WDR64: variants seen among roughly 807,000 people sequenced by gnomAD.
WDR64 encodes the protein WD repeat domain 64, also known as WD repeat-containing protein 64.
WDR64 carries 112 observed loss-of-function variants against 139.3 expected under a neutral mutation model. The ratio of observed to expected loss-of-function variants is 0.80; its 90% CI spans 0.69 to 0.94. The LOEUF (loss-of-function observed/expected upper bound fraction) is 0.94, where lower values mean the gene tolerates loss of function less well. WDR64 is among the 40% of genes least tolerant of loss of function. WDR64 has a pLI of 0.00. For missense variants in WDR64, 1,206 were observed against 1,293.1 expected (o/e 0.93, Z 1.03); for synonymous variants, 444 against 437.7 (o/e 1.01, Z -0.18).
chr1:241,712,507 C>T (rs1668213967), intron 9 of WDR64, among the ~76,000 whole-genome samples: 1 of 152,126 alleles, frequency 6.6e-6, no homozygotes, highest in Non-Finnish European at 1.5e-5. Flanking sequence ...ATTTATAATA[C>T]TGGGGTTTTA....
rs2148297204 is a variant in WDR64 at position 241,769,399 on chromosome 1, T to C, written c.2082-5T>C. ...TTTCTCATATAAATGTATACTTACT[T>C]CTAGGTACCGACCTGAAGATTGCTT... On this transcript the variant is annotated splice_polypyrimidine_tract_variant and splice_region_variant and intron_variant, in intron 16 of 27. Transcript: ENST00000437684. The C allele has an allele frequency of 6.4e-7, 1 of 1,550,858 alleles. No homozygotes were observed. The highest frequency in any genetic ancestry group is 1.2e-5 in the South Asian group (1 of 84,020).
At chr1:241,777,258 A>G (rs12057930) in intron 21 of WDR64, among the ~76,000 whole-genome samples, 23,036 of 151,698 alleles carry the variant, frequency 0.15, 2,066 homozygotes, top group Middle Eastern at 0.32. Context: ...TTTCCTGTAG[A>G]GACAGGTCTT....
At chr1:241,759,760 G>A (rs986502796) in intron 15 of WDR64, among the ~76,000 whole-genome samples, 9 of 151,886 alleles carry the variant, frequency 5.9e-5, no homozygotes, top group African/African-American at 2.2e-4. Flanking sequence ...CTATTTTTAG[G>A]TGCACAGTTA....
intron 22 of WDR64, among the ~76,000 whole-genome samples, chr1:241,781,003 T>C (rs1287790474): frequency 6.6e-6 from 1 of 152,218 alleles, no homozygotes; most frequent in African/African-American, 2.4e-5. Context: ...AACGAAGACA[T>C]GCTGCAAGCT....
chr1:241,711,891 C>A lies in WDR64; in HGVS notation c.1054+10C>A, dbSNP rs78465062. ...GTGATTGTCACTGGAGGTGAGAGGGCGGTTCACATTACATAGGGGTTTTCT... is the reference window on the plus strand; with the variant it reads ...GTGATTGTCACTGGAGGTGAGAGGGAGGTTCACATTACATAGGGGTTTTCT... On this transcript the variant is annotated intron_variant, in intron 9 of 27. Coordinates refer to ENST00000437684, the MANE Select transcript of WDR64 (RefSeq NM_001367482.1). 1 of 1,613,722 alleles carries A rather than the reference C, an allele frequency of 6.2e-7. No homozygotes were observed. The highest frequency in any genetic ancestry group is 8.5e-7 in the Non-Finnish European group (1 of 1,179,716).
intron 8 of WDR64, among the ~76,000 whole-genome samples, chr1:241,688,939 G>A (rs549738433): frequency 1.3e-5 from 2 of 152,230 alleles, no homozygotes; most frequent in African/African-American, 4.8e-5. Flanking sequence ...ATTTTGAAAC[G>A]TGCCAGAACA....
At position 241,801,368 on chromosome 1, in the gene WDR64, G is replaced by A. The variant is rs1659522012; in HGVS notation, c.*153G>A. Reference sequence around the variant, plus strand: ...ATTGATGGGAAAGATTGCTTAGGGAGTTCTGGTGACCTTAACTCTGAATAC... The same window carrying A: ...ATTGATGGGAAAGATTGCTTAGGGAATTCTGGTGACCTTAACTCTGAATAC... On this transcript the variant is annotated 3_prime_UTR_variant, in exon 28 of 28. Coordinates refer to ENST00000437684, the MANE Select transcript of WDR64 (RefSeq NM_001367482.1). 1.6e-6 allele frequency: 1 copy of A among 634,290 alleles called. No individual in the cohort carries two copies. 39.3% of individuals were successfully genotyped at this position (634,290 alleles called of 1,614,324 possible).
At chr1:241,744,881 A>C (rs970806380) in intron 13 of WDR64, among the ~76,000 whole-genome samples, 6 of 152,212 alleles carry the variant, frequency 3.9e-5, no homozygotes, top group Non-Finnish European at 8.8e-5. Flanking sequence ...GCTAACAATA[A>C]TTTTACCGAC....
chr1:241,679,295 C>A (rs186932598), intron 5 of WDR64, among the ~76,000 whole-genome samples, 190 bp from the exon 6 acceptor site: 4 of 152,240 alleles, frequency 2.6e-5, no homozygotes, highest in Non-Finnish European at 2.9e-5. Flanking sequence ...CTGAGAAACT[C>A]AGGGTAAGGG....
Position 241,749,723 on chromosome 1 carries a change from G to A in WDR64, c.1770+1G>A, listed in dbSNP as rs780162982. 5.0e-6 allele frequency: 8 copies of A among 1,612,992 alleles called. No individual in the cohort carries two copies. The highest frequency in any genetic ancestry group is 1.1e-5 in the South Asian group (1 of 90,996). ...CAACGGGACTATCAAAATGATCCAG[G>A]TTTACAATCCCACTTCATACTCGTA... On this transcript the variant is annotated splice_donor_variant, in intron 14 of 27. Coordinates refer to ENST00000437684, the MANE Select transcript of WDR64 (RefSeq NM_001367482.1). LOFTEE classifies it high-confidence loss of function.
chr1:241,779,240 T>C lies in WDR64; in HGVS notation c.2537-764T>C, dbSNP rs376464524. 2.3e-4 allele frequency among the ~76,000 whole-genome samples: 35 copies of C among 152,324 alleles called. No individual in the cohort carries two copies. The East Asian group carries it at 3.9e-3, about 17-fold the overall frequency. Reference sequence around the variant, plus strand: ...GATAAGAAGTTTGATGTCATTCTTATGTTTGTGTTCATTTTTTTTTCCTCC... The same window carrying C: ...GATAAGAAGTTTGATGTCATTCTTACGTTTGTGTTCATTTTTTTTTCCTCC... On this transcript the variant is annotated intron_variant, in intron 21 of 27. Transcript: ENST00000437684.
In WDR64 at chr1:241,783,278, A is replaced by C; in HGVS notation, c.2602A>C (p.Lys868Gln). 6.2e-7 allele frequency: 1 copy of C among 1,613,350 alleles called. No individual in the cohort carries two copies. The highest frequency in any genetic ancestry group is 1.6e-4 in the Middle Eastern group (1 of 6,062). Residue 868 changes from lysine to glutamine, a missense_variant, in exon 23 of 28, where the codon AAG becomes CAG. Transcript: ENST00000437684. ...LDPPHDEKKF[K>Q]QLLSWRAHSL... ...CCTTGTTTTTGCTATCTAGAAATTCAAGCAGCTGCTTTCCTGGCGTGCTCA... is the reference window on the plus strand; with the variant it reads ...CCTTGTTTTTGCTATCTAGAAATTCCAGCAGCTGCTTTCCTGGCGTGCTCA...
intron 8 of WDR64, among the ~76,000 whole-genome samples, chr1:241,688,166 A>G (rs1479157922): frequency 6.6e-6 from 1 of 152,224 alleles, no homozygotes; most frequent in East Asian, 1.9e-4. Flanking sequence ...GCTGAATAAC[A>G]GACGCCAGAC....
At chr1:241,728,979 C>T (rs780215786) in intron 10 of WDR64, among the ~76,000 whole-genome samples, 5 of 152,108 alleles carry the variant, frequency 3.3e-5, no homozygotes, top group Non-Finnish European at 7.4e-5. Context: ...TGTGAGTGTG[C>T]ATATCTTCAA....
intron 10 of WDR64, among the ~76,000 whole-genome samples, chr1:241,735,845 CTCTCTCTCTCTGTGTGTG>C (rs1558498332): frequency 9.9e-6 from 1 of 100,574 alleles, no homozygotes; most frequent in African/African-American, 4.5e-5. Flanking sequence ...CTCTCTCTCT[CTCTCTCTCTCTGTGTGTG>C]TGTGTGTGTG....
intron 16 of WDR64, among the ~76,000 whole-genome samples, chr1:241,767,250 T>G (rs1277963749): frequency 1.3e-5 from 2 of 152,186 alleles, no homozygotes; most frequent in Admixed American, 6.5e-5. Flanking sequence ...GGGCCAATGT[T>G]GTAGATGCAA....
intron 18 of WDR64, among the ~76,000 whole-genome samples, chr1:241,771,188 G>A (rs1361821851): frequency 1.3e-5 from 2 of 152,148 alleles, no homozygotes; most frequent in African/African-American, 4.8e-5. Flanking sequence ...TGCAAAAATT[G>A]TTTTTAAATC....
rs140989561 is a variant in WDR64, at chr1:241,783,932, G to A, written c.2705+551G>A. Among the ~76,000 whole-genome samples the A allele has an allele frequency of 2.4e-4, 37 of 152,318 alleles. No individual in the cohort carries two copies. The East Asian group carries it at 6.6e-3, about 27-fold the overall frequency. ...ATGGCATTTCTAGAAACAAATTTCT[G>A]CATATTGAAATGTCTTAAAATCATG... On this transcript the variant is annotated intron_variant, in intron 23 of 27. Transcript: ENST00000437684.
chr1:241,694,782 A>C (rs1472572257), intron 8 of WDR64, among the ~76,000 whole-genome samples: 2 of 152,222 alleles, frequency 1.3e-5, no homozygotes, highest in African/African-American at 2.4e-5. Flanking sequence ...CACATTTACC[A>C]GGGTGATTAC....
Sources: allele counts gnomAD v4.1 joint callset (sites outside exome capture counted in the v4.1 genomes callset), GRCh38; gene constraint gnomAD v4.1.1; transcripts MANE v1.5; gene names NCBI Gene and HGNC (gene_info 2026-07-23, HGNC 2026-07-21).